Variants in MTTP observed in about 807,000 individuals in gnomAD.
The protein encoded by MTTP is microsomal triglyceride transfer protein, also known as microsomal triglyceride transfer protein large subunit.
A neutral mutation model predicts 90.6 loss-of-function variants in MTTP; 49 were observed. The observed-to-expected ratio is 0.54, with a 90% CI of 0.43 to 0.69. The LOEUF is 0.69. MTTP is among the 30% of genes least tolerant of loss of function. The pLI is 0.00. For missense variants in MTTP, 945 were observed against 1,067.5 expected, an observed-to-expected ratio of 0.89 and a Z score of 1.60; for synonymous variants, 347 against 384.2, an observed-to-expected ratio of 0.90 and a Z score of 1.13.
In MTTP at chr4:99,622,714, A is replaced by T. The variant is rs1322367487; in HGVS notation, c.2551A>T (p.Arg851Ter). The change falls in exon 18 of 18, where the codon AGA becomes TGA. Residue 851 changes from arginine to a stop codon, truncating the protein, a stop_gained. Coordinates refer to ENST00000265517, the MANE Select transcript of MTTP (RefSeq NM_001386140.1). LOFTEE classifies it high-confidence loss of function. ...EKKYERLSTGRGYVSQKRKES... is the reference protein window; with the variant it reads ...EKKYERLSTG ...AAAGTACGAAAGGCTGTCCACAGGCAGAGGTTATGTCTCTCAGAAAAGAAA... is the reference window on the plus strand; with the variant it reads ...AAAGTACGAAAGGCTGTCCACAGGCTGAGGTTATGTCTCTCAGAAAAGAAA... The T allele has an allele frequency of 6.2e-7, 1 of 1,614,124 alleles. No homozygotes were observed.
At chr4:99,605,853 C>T (rs995072233) in intron 10 of MTTP, among the ~76,000 whole-genome samples, 25 of 121,468 alleles carry the variant, frequency 2.1e-4, no homozygotes, top group African/African-American at 7.6e-4. Context: ...ATCATCCATT[C>T]TCCCCAACCC....
chr4:99,609,123 C>A (rs2110230462), intron 12 of MTTP, 146 bp downstream of exon 12: 1 of 782,866 alleles, frequency 1.3e-6, no homozygotes. Context: ...CATAATAGGG[C>A]TATTTAGGGG....
intron 3 of MTTP, among the ~76,000 whole-genome samples, chr4:99,585,764 G>A (rs1725243813): frequency 6.6e-6 from 1 of 151,994 alleles, no homozygotes; most frequent in Non-Finnish European, 1.5e-5. Context: ...ACTGCAATGG[G>A]CCAATTCTAG....
chr4:99,604,576 T>TAATTTAGTTTATTTAGTTG (rs1725769552), intron 10 of MTTP, among the ~76,000 whole-genome samples: 1 of 152,192 alleles, frequency 6.6e-6, no homozygotes, highest in African/African-American at 2.4e-5. Flanking sequence ...AATAATTTGA[T>TAATTTAGTTTATTTAGTTG]AATAAATTGC....
chr4:99,576,694 CA>C (rs10630406), intron 1 of MTTP, among the ~76,000 whole-genome samples: 94 of 69,958 alleles, frequency 1.3e-3, no homozygotes, highest in South Asian at 4.4e-3. Flanking sequence ...GACTCCGTCT[CA>C]AAAAAAAAAA....
At chr4:99,598,681 T>TTA (rs58739885) in intron 8 of MTTP, among the ~76,000 whole-genome samples, 9 of 132,344 alleles carry the variant, frequency 6.8e-5, no homozygotes, top group African/African-American at 1.5e-4. Context: ...TTTTTTTTTT[T>TTA]AGACAGTGTT....
At chr4:99,610,234 T>C (rs1313605593) in intron 12 of MTTP, among the ~76,000 whole-genome samples, 1 of 152,124 alleles carries the variant, frequency 6.6e-6, no homozygotes, top group East Asian at 1.9e-4. Context: ...CACCATTATG[T>C]CTTTGTATAA....
At chr4:99,617,650 C>A (rs1560626895) in intron 15 of MTTP, among the ~76,000 whole-genome samples, 3 of 152,012 alleles carry the variant, frequency 2.0e-5, no homozygotes, top group Admixed American at 6.6e-5. Flanking sequence ...CAACACTGTC[C>A]CCAGGCAATC....
Position 99,601,616 on chromosome 4 carries a change from A to G in MTTP, c.1246A>G (p.Lys416Glu). 6.2e-7 allele frequency: 1 copy of G among 1,611,246 alleles called. No homozygotes were observed. Among genetic ancestry groups the G allele is most frequent in the East Asian group, 2.2e-5 (1 of 44,774 alleles). Residue 416 changes from lysine (K) to glutamate (E), a missense_variant, in exon 10 of 18, where the codon AAA (lysine) becomes GAA (glutamate). By Grantham distance (56) the Lys-to-Glu change is moderately conservative. Transcript: ENST00000265517. ...ELLRALISKF[K>E]GSIGSSDIRE... ...CCTGTTTGGTTAATAGAGTAAGTTC[A>G]AAGGTTCTATTGGTAGCAGTGACAT...
chr4:99,574,945 T>A lies in MTTP; in HGVS notation c.36T>A (p.Ile12=), dbSNP rs1221999891. Residue 12 remains isoleucine (I), a synonymous_variant, in exon 1 of 18, where the codon ATT becomes ATA. Transcript: ENST00000265517. ...TTGCTGTGCTTTTTCTCTGCTTCAT[T>A]TCCTCATATTCAGCTTCTGTTAAAG... is the stretch of plus-strand genomic sequence containing the variant. ...ILLAVLFLCF[I]SSYSASVKGH... is the part of the protein sequence containing the mutation. 6.2e-7 allele frequency: 1 copy of A among 1,614,082 alleles called. No individual in the cohort carries two copies. Among genetic ancestry groups the A allele is most frequent in the African/African-American group, 1.3e-5 (1 of 74,944 alleles).
intron 3 of MTTP, chr4:99,584,017 C>G (rs900322606): frequency 7.1e-5 from 11 of 154,588 alleles, no homozygotes; most frequent in African/African-American, 2.7e-4. Context: ...TTTTTTAAAG[C>G]CTTTAGAAAT....
chr4:99,616,834 C>T (rs948970886), intron 15 of MTTP, among the ~76,000 whole-genome samples: 1 of 152,140 alleles, frequency 6.6e-6, no homozygotes, highest in Admixed American at 6.6e-5. Flanking sequence ...TGCTCTCTCC[C>T]CACAAAAGGT....
chr4:99,611,251 CA>C lies in MTTP; in HGVS notation c.1867+16del, dbSNP rs1560624584. The stretch of plus-strand genomic sequence containing the variant: ...CTGGCTACATAGAACGTATGTACAC[CA>C]AAAAGAGGTTCTCCTTCCATACCCC... On this transcript the variant is annotated intron_variant, in intron 13 of 17. Coordinates refer to ENST00000265517, the MANE Select transcript of MTTP (RefSeq NM_001386140.1). The C allele has an allele frequency of 6.2e-7, 1 of 1,613,260 alleles. No homozygotes were observed. The highest frequency in any genetic ancestry group is 8.5e-7 in the Non-Finnish European group (1 of 1,179,298).
At chr4:99,568,722 C>T (rs906651657) in intron 1 of MTTP, among the ~76,000 whole-genome samples, 1 of 152,048 alleles carries the variant, frequency 6.6e-6, no homozygotes, top group Non-Finnish European at 1.5e-5. Context: ...AAACTAAAAC[C>T]AGAACCCAAA....
chr4:99,610,721 CATT>C (rs1476264034), intron 12 of MTTP, among the ~76,000 whole-genome samples: 1 of 152,096 alleles, frequency 6.6e-6, no homozygotes, highest in Admixed American at 6.6e-5. Flanking sequence ...TGTTATATGT[CATT>C]AGTGAGAGAG....
chr4:99,594,586 T>C, intron 6 of MTTP, 147 bp from the exon 7 acceptor site: 4 of 848,872 alleles, frequency 4.7e-6, no homozygotes, highest in Non-Finnish European at 7.6e-6. Context: ...GAGCTTTCAG[T>C]TACCTCTGGA....
At chr4:99,598,437 T>C (rs1212546573) in intron 8 of MTTP, among the ~76,000 whole-genome samples, 1 of 152,094 alleles carries the variant, frequency 6.6e-6, no homozygotes, top group Non-Finnish European at 1.5e-5. Flanking sequence ...CATTAAACCT[T>C]ATTAGCATTA....
At chr4:99,572,972 A>G (rs1402019562), upstream of MTTP, among the ~76,000 whole-genome samples, 1 of 152,158 alleles carries the variant, frequency 6.6e-6, no homozygotes, top group African/African-American at 2.4e-5. Flanking sequence ...TACTTAATAC[A>G]GTGACTCATA....
At chr4:99,610,661 T>C (rs1215997623) in intron 12 of MTTP, among the ~76,000 whole-genome samples, 2 of 152,202 alleles carry the variant, frequency 1.3e-5, no homozygotes, top group Non-Finnish European at 2.9e-5. Flanking sequence ...TACTGAGCTG[T>C]TTCTGTAATT....
Sources: allele counts gnomAD v4.1 joint callset (sites outside exome capture counted in the v4.1 genomes callset), GRCh38; gene constraint gnomAD v4.1.1; transcripts MANE v1.5; gene names NCBI Gene and HGNC (gene_info 2026-07-23, HGNC 2026-07-21).